Variants in PROM1 observed in about 807,000 individuals in gnomAD.
PROM1 encodes the protein prominin 1, also known as prominin-1.
PROM1 carries 105 observed loss-of-function variants against 116.9 expected under a neutral mutation model. The ratio of observed to expected loss-of-function variants is 0.90; its 90% CI spans 0.77 to 1.06. The LOEUF (loss-of-function observed/expected upper bound fraction) is 1.06. Ranked by LOEUF, PROM1 falls within the 50% of genes least tolerant of loss-of-function variation. PROM1 has a pLI of 0.00. For synonymous variants in PROM1, 393 were observed against 387.0 expected (o/e 1.02, Z -0.18); for missense variants, 1,122 against 1,045.2 (o/e 1.07, Z -1.01).
chr4:16,033,733 A>G (rs1350642279), intron 4 of PROM1, among the ~76,000 whole-genome samples: 1 of 151,540 alleles, frequency 6.6e-6, no homozygotes, highest in Non-Finnish European at 1.5e-5. Flanking sequence ...TATTTTTAGT[A>G]GAGACAGGGT....
At chr4:16,002,202 G>T (rs1049056739) in intron 13 of PROM1, among the ~76,000 whole-genome samples, 1 of 151,648 alleles carries the variant, frequency 6.6e-6, no homozygotes, top group African/African-American at 2.4e-5. Context: ...AAGTGTGGGG[G>T]GTGTCGAAAA....
intron 16 of PROM1, among the ~76,000 whole-genome samples, chr4:15,993,253 T>C (rs1382650209): frequency 6.6e-6 from 1 of 152,202 alleles, no homozygotes; most frequent in Non-Finnish European, 1.5e-5. Context: ...TCCCTTTGTT[T>C]CTGCTCTCAT....
intron 2 of PROM1, among the ~76,000 whole-genome samples, chr4:16,062,397 C>T (rs1740557688): frequency 6.6e-6 from 1 of 152,184 alleles, no homozygotes; most frequent in Non-Finnish European, 1.5e-5. Flanking sequence ...AGGCCCCTTT[C>T]TGTATATTAA....
rs142467914 is a variant in PROM1 at position 15,979,366 on chromosome 4, C to G, written c.2582+29G>C. 1.6e-3 allele frequency: 2,572 copies of G among 1,613,262 alleles called. 41 individuals carry two copies. In the African/African-American group the frequency reaches 0.031, roughly 19 times the overall value. Reference sequence around the variant, plus strand: ...GGAGATGAGACGGTTTATCATAGGGCGGGCATGCACTTCCAGACTTTGCTT... The same window carrying G: ...GGAGATGAGACGGTTTATCATAGGGGGGGCATGCACTTCCAGACTTTGCTT... On this transcript the variant is annotated intron_variant, in intron 26 of 27. Coordinates refer to ENST00000447510, the MANE Select transcript of PROM1 (RefSeq NM_006017.3).
intron 3 of PROM1, among the ~76,000 whole-genome samples, 166 bp from the exon 4 acceptor site, chr4:16,035,927 G>A (rs1234025058): frequency 1.3e-5 from 2 of 152,244 alleles, no homozygotes; most frequent in Non-Finnish European, 2.9e-5. Flanking sequence ...TAAAACTTGA[G>A]TGTGAATTCA....
At position 16,028,171 on chromosome 4, in the gene PROM1, AT is replaced by A. The variant is rs1731805479; in HGVS notation, c.510-2860del. Among the ~76,000 whole-genome samples, 3 of 152,308 alleles carry A rather than the reference AT, an allele frequency of 2.0e-5. 1 individual carries two copies. In the South Asian group the frequency reaches 6.2e-4, roughly 32 times the overall value. ...ATTATTAAAGAGAAAAAGAAAAAAA[AT>A]CTCTACTAAGTATAATTATAGAGTA... On this transcript the variant is annotated intron_variant, in intron 5 of 27. Transcript: ENST00000447510.
At chr4:16,021,218 T>C (rs985027124) in intron 8 of PROM1, among the ~76,000 whole-genome samples, 1 of 151,450 alleles carries the variant, frequency 6.6e-6, no homozygotes, top group Non-Finnish European at 1.5e-5. Flanking sequence ...AAAAGAACTT[T>C]AATAATAACA....
chr4:16,076,184 C>T (rs1743915135), intron 1 of PROM1, 66 bp from the exon 2 acceptor site: 10 of 484,434 alleles, frequency 2.1e-5, no homozygotes, highest in Admixed American at 1.8e-4. Flanking sequence ...TGGAGCTGCC[C>T]GGAGAGGACG....
intron 1 of PROM1, 110 bp from the exon 2 acceptor site, chr4:16,076,228 T>C (rs760992230): frequency 4.1e-5 from 11 of 267,640 alleles, no homozygotes; most frequent in Non-Finnish European, 7.0e-5. Context: ...TCCAGCCTAA[T>C]CCGGATGGGT....
intron 26 of PROM1, among the ~76,000 whole-genome samples, chr4:15,976,628 C>T (rs907943485): frequency 6.6e-6 from 1 of 152,208 alleles, no homozygotes; most frequent in African/African-American, 2.4e-5. Flanking sequence ...GATGATCATG[C>T]CTAAGTGACA....
chr4:15,977,458 G>A (rs1344915128), intron 26 of PROM1, among the ~76,000 whole-genome samples: 3 of 152,124 alleles, frequency 2.0e-5, no homozygotes, highest in East Asian at 1.9e-4. Flanking sequence ...GCAGGCAGCC[G>A]TACTGTCTAC....
chr4:16,044,510 C>A lies in PROM1; in HGVS notation c.221-5509G>T, dbSNP rs73798826. 6.8e-3 allele frequency among the ~76,000 whole-genome samples: 1,039 copies of A among 152,238 alleles called. 4 individuals carry two copies. The highest frequency in any genetic ancestry group is 0.022 in the African/African-American group (930 of 41,562). On this transcript the variant is annotated intron_variant, in intron 2 of 27. Coordinates refer to ENST00000447510, the MANE Select transcript of PROM1 (RefSeq NM_006017.3). ...GAGAGACCACAGGGTCCCTCTTTTG[C>A]CTTTGGTGGCCCCATCTTAAACACA... is the stretch of plus-strand genomic sequence containing the variant.
At chr4:15,999,372 G>A (rs1723159168) in intron 14 of PROM1, among the ~76,000 whole-genome samples, 1 of 151,962 alleles carries the variant, frequency 6.6e-6, no homozygotes, top group African/African-American at 2.4e-5. Flanking sequence ...TCGGGAGGCT[G>A]AGGCAGGAGA....
At chr4:15,973,044 G>T (rs1385880223) in intron 26 of PROM1, among the ~76,000 whole-genome samples, 1 of 152,172 alleles carries the variant, frequency 6.6e-6, no homozygotes, top group Non-Finnish European at 1.5e-5. Context: ...CCCTCTACAA[G>T]ACCTATGCAG....
chr4:16,025,233 T>C lies in PROM1; in HGVS notation c.589A>G (p.Asn197Asp). 1 of 1,613,990 alleles carries C rather than the reference T, an allele frequency of 6.2e-7. No homozygotes were observed. Among genetic ancestry groups the C allele is most frequent in the African/African-American group, 1.3e-5 (1 of 75,060 alleles). ...IKRSRKLADSNFKDLRTLLNE... is the reference protein window; with the variant it reads ...IKRSRKLADSDFKDLRTLLNE... ...AAGAGAGTTCGCAAGTCCTTGAAAT[T>C]GCTATCTGCCAGTTTCCGACTCCTT... The change falls in exon 6 of 28, where the codon AAT (asparagine) becomes GAT (aspartate). Residue 197 changes from asparagine (N) to aspartate (D), a missense_variant. Asn to Asp is a conservative substitution (Grantham distance 23, BLOSUM62 1). Coordinates refer to ENST00000447510, the MANE Select transcript of PROM1 (RefSeq NM_006017.3).
At chr4:16,052,980 G>A (rs1180169024) in intron 2 of PROM1, among the ~76,000 whole-genome samples, 14 of 152,172 alleles carry the variant, frequency 9.2e-5, no homozygotes, top group Non-Finnish European at 1.5e-5. Context: ...TTTATGTAGT[G>A]CCACAGACGA....
rs187632942 is a variant in PROM1 at position 16,011,730 on chromosome 4, A to T, written c.1141+1545T>A. On this transcript the variant is annotated intron_variant, in intron 11 of 27. Coordinates refer to ENST00000447510, the MANE Select transcript of PROM1 (RefSeq NM_006017.3). ...CATCAAAGTCTGAACCCTGTCCTTAATATCTTAATATTTTCAAGTAGAATC... is the reference window on the plus strand; with the variant it reads ...CATCAAAGTCTGAACCCTGTCCTTATTATCTTAATATTTTCAAGTAGAATC... Among the ~76,000 whole-genome samples the T allele has an allele frequency of 1.2e-3, 182 of 152,336 alleles. 1 individual carries two copies. Among genetic ancestry groups the T allele is most frequent in the African/African-American group, 4.3e-3 (177 of 41,570 alleles).
intron 2 of PROM1, among the ~76,000 whole-genome samples, chr4:16,066,161 T>C (rs919607231): frequency 2.0e-5 from 3 of 152,202 alleles, no homozygotes; most frequent in Non-Finnish European, 4.4e-5. Context: ...TTCTGCCATT[T>C]TAAGCTACCT....
intron 19 of PROM1, among the ~76,000 whole-genome samples, chr4:15,988,511 T>C (rs1261215161): frequency 6.6e-6 from 1 of 152,206 alleles, no homozygotes; most frequent in Non-Finnish European, 1.5e-5. Flanking sequence ...TGTGGCCATA[T>C]TCCAATACAA....
Sources: gnomAD v4.1 joint callset for allele counts (sites outside exome capture counted in the v4.1 genomes callset) on GRCh38, gnomAD v4.1.1 for gene constraint, MANE v1.5 for transcripts, NCBI Gene and HGNC (gene_info 2026-07-23, HGNC 2026-07-21) for gene names.